Variants in DPYSL4 observed in about 807,000 individuals in gnomAD.
DPYSL4 encodes the protein dihydropyrimidinase like 4.
A neutral mutation model predicts 63.4 loss-of-function variants in DPYSL4; 43 were observed. The observed-to-expected ratio is 0.68, with a 90% CI of 0.53 to 0.88. The LOEUF (loss-of-function observed/expected upper bound fraction) is 0.88. Among genes scored for constraint, DPYSL4 ranks in the 40% least tolerant of loss-of-function variants. The probability of loss-of-function intolerance (pLI) is 0.00; values close to 1 mark genes in which losing one functional copy is unlikely to be tolerated. For synonymous variants in DPYSL4, 353 were observed against 331.7 expected, an observed-to-expected ratio of 1.06 and a Z score of -0.70; for missense variants, 733 against 819.5, an observed-to-expected ratio of 0.89 and a Z score of 1.29.
intron 1 of DPYSL4, among the ~76,000 whole-genome samples, chr10:132,188,398 C>T (rs1174981293): frequency 6.6e-6 from 1 of 152,216 alleles, no homozygotes; most frequent in East Asian, 1.9e-4. Flanking sequence ...TGCCCGGTTG[C>T]GTTTTCTAGG....
In DPYSL4 at chr10:132,196,849, C is replaced by T. The variant is rs750822006; in HGVS notation, c.479-12C>T. ...GTGATGGCTGAGCCTCTGACCCCTG[C>T]CTCTTCTCCAGGTGTGAACTCCTTC... On this transcript the variant is annotated splice_polypyrimidine_tract_variant and intron_variant, in intron 4 of 13. Transcript: ENST00000338492. The T allele has an allele frequency of 3.7e-6, 6 of 1,613,470 alleles. No homozygotes were observed. Among genetic ancestry groups the T allele is most frequent in the Non-Finnish European group, 5.1e-6 (6 of 1,179,976 alleles).
At chr10:132,203,464 A>G (rs1237842586) in intron 12 of DPYSL4, 2 of 447,244 alleles carry the variant, frequency 4.5e-6, no homozygotes, top group Non-Finnish European at 8.1e-6. Context: ...AGGGAGGTTG[A>G]GCATGTGCAC....
intron 1 of DPYSL4, among the ~76,000 whole-genome samples, chr10:132,187,864 G>A (rs1251412611): frequency 6.6e-6 from 1 of 152,202 alleles, no homozygotes; most frequent in Non-Finnish European, 1.5e-5. Flanking sequence ...GGGGGGAGAT[G>A]GGGGTGGGAG....
intron 6 of DPYSL4, 21 bp from the exon 7 acceptor site, chr10:132,198,394 G>A (rs775864818): frequency 6.3e-7 from 1 of 1,599,288 alleles, no homozygotes; most frequent in East Asian, 2.3e-5. Flanking sequence ...TTGGAGCGAG[G>A]CATCCTGTTG....
intron 6 of DPYSL4, among the ~76,000 whole-genome samples, chr10:132,197,492 T>C (rs1164649623): frequency 1.3e-5 from 2 of 152,304 alleles, no homozygotes; most frequent in East Asian, 3.9e-4. Context: ...TTCAGACACA[T>C]CCCACCGGGC....
At chr10:132,193,039 C>T (rs952568657) in intron 3 of DPYSL4, among the ~76,000 whole-genome samples, 197 bp downstream of exon 3, 8 of 152,138 alleles carry the variant, frequency 5.3e-5, no homozygotes, top group Non-Finnish European at 1.0e-4. Flanking sequence ...GTGGCCAGTG[C>T]TGGAATGCTC....
chr10:132,195,053 T>C (rs1041381121), intron 4 of DPYSL4, 44 bp downstream of exon 4: 1 of 1,575,750 alleles, frequency 6.3e-7, no homozygotes, highest in African/African-American at 1.3e-5. Flanking sequence ...TGGAGCCTGG[T>C]GGAGGAGCCT....
intron 6 of DPYSL4, among the ~76,000 whole-genome samples, 190 bp downstream of exon 6, chr10:132,197,291 TG>T (rs2137513363): frequency 6.6e-6 from 1 of 152,294 alleles, no homozygotes; most frequent in South Asian, 2.1e-4. Context: ...TTAGAGAGAC[TG>T]GGGGGTGATG....
chr10:132,196,342 T>C (rs532754366), intron 4 of DPYSL4, among the ~76,000 whole-genome samples: 2 of 152,306 alleles, frequency 1.3e-5, no homozygotes, highest in South Asian at 4.1e-4. Flanking sequence ...CTGCTCGTCC[T>C]AAGGGCCCAG....
intron 1 of DPYSL4, among the ~76,000 whole-genome samples, chr10:132,189,105 G>A (rs2061840527): frequency 6.6e-6 from 1 of 152,254 alleles, no homozygotes. Context: ...GACGGTGCGT[G>A]AAGGCTCTAG....
In DPYSL4 at chr10:132,205,002, CCT is replaced by C; in HGVS notation, c.*74_*75del. On this transcript the variant is annotated 3_prime_UTR_variant, in exon 14 of 14. Transcript: ENST00000338492. ...GCGGGGGCCCCAGGGCACTCGCCCC[CCT>C]CCTTAGCATTTTCTTTTGTAGAAGT... 8.0e-7 allele frequency: 1 copy of C among 1,242,750 alleles called. No homozygotes were observed. The highest frequency in any genetic ancestry group is 2.3e-5 in the Admixed American group (1 of 43,454). The allele number at this position is 1,242,750 out of a possible 1,614,324, so 77.0% of individuals were successfully genotyped here.
At chr10:132,199,848 C>T (rs1184702622) in intron 8 of DPYSL4, among the ~76,000 whole-genome samples, 1 of 151,858 alleles carries the variant, frequency 6.6e-6, no homozygotes, top group Non-Finnish European at 1.5e-5. Context: ...GGACACCAAG[C>T]AGCCTCGGGG....
At position 132,187,000 on chromosome 10, in the gene DPYSL4, C is replaced by CCCGGGGGGGGGGGGGGGG; in HGVS notation, c.-64_-63insCCGGGGGGGGGGGGGGGG. On this transcript the variant is annotated 5_prime_UTR_variant, in exon 1 of 14. Coordinates refer to ENST00000338492, the MANE Select transcript of DPYSL4 (RefSeq NM_006426.3). ...ACGCGTCCCGGCTCACGCGTCCCCC[C>CCCGGGGGGGGGGGGGGGG]GCCCGCCCGCCCGCCCGCCCGCCCC... 1 of 11,128 alleles carries CCCGGGGGGGGGGGGGGGG rather than the reference C, an allele frequency of 9.0e-5. No individual in the cohort carries two copies. 0.7% of individuals were successfully genotyped at this position (11,128 alleles called of 1,614,324 possible). A position where few individuals can be genotyped will look rare whatever the true frequency, so the allele number is the denominator to read the frequency against.
chr10:132,202,364 G>A (rs915460589), intron 11 of DPYSL4, among the ~76,000 whole-genome samples: 16 of 152,242 alleles, frequency 1.1e-4, no homozygotes, highest in Admixed American at 2.0e-4. Context: ...GAGCGGTGCC[G>A]TGTGCACCTG....
chr10:132,195,099 CT>C, intron 4 of DPYSL4, 90 bp downstream of exon 4: 1 of 1,437,782 alleles, frequency 7.0e-7, no homozygotes, highest in Non-Finnish European at 9.3e-7. Flanking sequence ...TGGTGCTGCT[CT>C]GCCCTGGGGG....
intron 6 of DPYSL4, among the ~76,000 whole-genome samples, chr10:132,197,490 C>T (rs1422185485): frequency 3.9e-5 from 6 of 152,240 alleles, no homozygotes; most frequent in African/African-American, 1.4e-4. Flanking sequence ...CCTTCAGACA[C>T]ATCCCACCGG....
rs767935489 is a variant in DPYSL4, at chr10:132,196,845, C to T, written c.479-16C>T. ...ACTGGTGATGGCTGAGCCTCTGACC[C>T]CTGCCTCTTCTCCAGGTGTGAACTC... On this transcript the variant is annotated splice_polypyrimidine_tract_variant and intron_variant, in intron 4 of 13. Coordinates refer to ENST00000338492, the MANE Select transcript of DPYSL4 (RefSeq NM_006426.3). 6.8e-6 allele frequency: 11 copies of T among 1,613,540 alleles called. No individual in the cohort carries two copies. The East Asian group carries it at 2.2e-4, about 33-fold the overall frequency.
At chr10:132,202,987 G>C (rs185498853) in intron 12 of DPYSL4, among the ~76,000 whole-genome samples, 162 bp downstream of exon 12, 1 of 152,366 alleles carries the variant, frequency 6.6e-6, no homozygotes, top group East Asian at 1.9e-4. Context: ...AAGTGGAGAA[G>C]AGCCTGCTCC....
At position 132,202,797 on chromosome 10, in the gene DPYSL4, T is replaced by C. The variant is rs1170669791; in HGVS notation, c.1433T>C (p.Val478Ala). 6.2e-7 allele frequency: 1 copy of C among 1,607,162 alleles called. No homozygotes were observed. The change falls in exon 12 of 14, where the codon GTC becomes GCC. Residue 478 changes from valine (V) to alanine (A), a missense_variant. By Grantham distance (64) the Val-to-Ala change is moderately conservative. Coordinates refer to ENST00000338492, the MANE Select transcript of DPYSL4 (RefSeq NM_006426.3). Reference protein sequence around the residue: ...FVPRKTFPDFVYKRIKARNRL... With the variant: ...FVPRKTFPDFAYKRIKARNRL... Reference sequence around the variant, plus strand: ...CCTCGGAAAACATTCCCGGACTTTGTCTACAAGAGGATCAAAGCTCGCAAC... The same window carrying C: ...CCTCGGAAAACATTCCCGGACTTTGCCTACAAGAGGATCAAAGCTCGCAAC...
Sources: gnomAD v4.1 joint callset for allele counts (sites outside exome capture counted in the v4.1 genomes callset) on GRCh38, gnomAD v4.1.1 for gene constraint, MANE v1.5 for transcripts, NCBI Gene and HGNC (gene_info 2026-07-23, HGNC 2026-07-21) for gene names.